The following CREB3L2 variants were observed in gnomAD, a reference collection of about 807,000 sequenced individuals.
CREB3L2 encodes cyclic AMP-responsive element-binding protein 3-like protein 2.
CREB3L2 carries 23 observed loss-of-function variants against 57.2 expected under a neutral mutation model. The observed-to-expected ratio is 0.40, with a 90% CI of 0.29 to 0.57. The LOEUF (loss-of-function observed/expected upper bound fraction) is 0.57, where lower values mean the gene tolerates loss of function less well. Among genes scored for constraint, CREB3L2 ranks in the 20% least tolerant of loss-of-function variants. The probability of loss-of-function intolerance (pLI) is 0.42; values close to 1 mark genes in which losing one functional copy is unlikely to be tolerated. For synonymous variants in CREB3L2, 268 were observed against 265.1 expected (o/e 1.01, Z -0.11); for missense variants, 628 against 634.7 (o/e 0.99, Z 0.11).
intron 1 of CREB3L2, among the ~76,000 whole-genome samples, chr7:137,972,700 AAAAAAAAAAAAAAT>A (rs1801529075): frequency 2.6e-5 from 1 of 38,470 alleles, no homozygotes. Flanking sequence ...AAAAAAAAAA[AAAAAAAAAAAAAAT>A]ATATATATAT....
Position 137,947,867 on chromosome 7 carries a change from A to G in CREB3L2, c.103-19501T>C, listed in dbSNP as rs184099230. On this transcript the variant is annotated intron_variant, in intron 1 of 11. Transcript: ENST00000330387. ...TCACGTCTAGAATATCCACCTCCAC[A>G]TCCACTTCCTTCCCCTGCCCTGTCT... Among the ~76,000 whole-genome samples the G allele has an allele frequency of 1.6e-3, 248 of 152,226 alleles. 1 individual carries two copies. Among genetic ancestry groups the G allele is most frequent in the Admixed American group, 3.6e-3 (55 of 15,300 alleles).
chr7:137,988,178 T>C (rs1014453837), intron 1 of CREB3L2, among the ~76,000 whole-genome samples: 7 of 152,218 alleles, frequency 4.6e-5, no homozygotes, highest in African/African-American at 1.7e-4. Context: ...CTGTTCCTCA[T>C]GTCCCTGACA....
At chr7:137,917,973 A>C (rs929338919) in intron 2 of CREB3L2, among the ~76,000 whole-genome samples, 27 of 152,092 alleles carry the variant, frequency 1.8e-4, no homozygotes, top group African/African-American at 6.5e-4. Flanking sequence ...GAGGGAGACC[A>C]CTCTGTACTG....
chr7:137,933,691 G>A (rs1173775328), intron 1 of CREB3L2: 1 of 152,204 alleles, frequency 6.6e-6, no homozygotes, highest in African/African-American at 2.4e-5. Context: ...CCACACCCAA[G>A]AATTTAGCAA....
intron 1 of CREB3L2, among the ~76,000 whole-genome samples, chr7:137,948,778 A>G (rs1801044787): frequency 6.6e-6 from 1 of 152,224 alleles, no homozygotes; most frequent in Non-Finnish European, 1.5e-5. Flanking sequence ...TATCTGTTAT[A>G]GACTGCAAGC....
chr7:137,969,566 T>A (rs1008509717), intron 1 of CREB3L2, among the ~76,000 whole-genome samples: 1 of 151,944 alleles, frequency 6.6e-6, no homozygotes, highest in East Asian at 1.9e-4. Context: ...TTAACCGGGA[T>A]GGTCTCAATC....
chr7:137,883,645 T>C (rs1799346278), intron 10 of CREB3L2, among the ~76,000 whole-genome samples: 1 of 152,136 alleles, frequency 6.6e-6, no homozygotes, highest in Non-Finnish European at 1.5e-5. Context: ...GAATGTGGCC[T>C]CTCTCTCTCA....
At chr7:137,901,794 G>A (rs185601848) in intron 7 of CREB3L2, among the ~76,000 whole-genome samples, 22 of 135,182 alleles carry the variant, frequency 1.6e-4, no homozygotes, top group African/African-American at 5.6e-4. Context: ...CAGGAGAATC[G>A]CTTGAACCCA....
intron 1 of CREB3L2, among the ~76,000 whole-genome samples, chr7:137,975,897 C>T (rs1333793792): frequency 6.6e-6 from 1 of 152,164 alleles, no homozygotes; most frequent in Non-Finnish European, 1.5e-5. Context: ...AGAATCATTC[C>T]ACCCAGCTGC....
chr7:137,998,143 A>T (rs946691408), intron 1 of CREB3L2, among the ~76,000 whole-genome samples: 7 of 152,166 alleles, frequency 4.6e-5, no homozygotes, highest in African/African-American at 1.4e-4. Context: ...TAGACTCTGA[A>T]CCTGTCTGCC....
At chr7:137,921,224 G>A (rs535966766) in intron 2 of CREB3L2, among the ~76,000 whole-genome samples, 3 of 152,290 alleles carry the variant, frequency 2.0e-5, no homozygotes, top group Non-Finnish European at 4.4e-5. Context: ...CATTTCAGAC[G>A]AAAAACATCC....
In CREB3L2 at chr7:137,922,429, TATATATACGTATATATATATATATAC is replaced by T. The variant is rs1563253360; in HGVS notation, c.319+5695_319+5720del. Among the ~76,000 whole-genome samples the T allele has an allele frequency of 7.7e-3, 376 of 48,852 alleles. 20 individuals are homozygous for T. Among genetic ancestry groups the T allele is most frequent in the African/African-American group, 0.052 (361 of 6,980 alleles). 32.0% of individuals were successfully genotyped at this position (48,852 alleles called of 152,430 possible). On this transcript the variant is annotated intron_variant, in intron 2 of 11. Transcript: ENST00000330387. ...ATATATATATATGTATATATATATA[TATATATACGTATATATATATATATAC>T]ACACATATATATATACACACATATA...
chr7:137,890,628 A>C (rs1255445021), intron 8 of CREB3L2, among the ~76,000 whole-genome samples: 2 of 152,246 alleles, frequency 1.3e-5, no homozygotes, highest in Non-Finnish European at 2.9e-5. Flanking sequence ...CGTTTGCTGA[A>C]GCAAATACAT....
intron 1 of CREB3L2, among the ~76,000 whole-genome samples, chr7:137,993,764 T>TA (rs1235390896): frequency 2.6e-5 from 4 of 152,172 alleles, no homozygotes; most frequent in Non-Finnish European, 5.9e-5. Flanking sequence ...TCTACTTAAC[T>TA]ATGCATCAAG....
intron 2 of CREB3L2, among the ~76,000 whole-genome samples, chr7:137,924,587 G>C (rs927229353): frequency 6.6e-6 from 1 of 152,126 alleles, no homozygotes; most frequent in African/African-American, 2.4e-5. Flanking sequence ...ATTTTGCTGG[G>C]ATGCTTCTGC....
rs61028865 is a variant in CREB3L2 at position 137,946,794 on chromosome 7, TTA to T, written c.103-18430_103-18429del. ...GTTATCTATATAGTTATCTATATAG[TTA>T]TATATAGTTATATATAGTTATCTAT... On this transcript the variant is annotated intron_variant, in intron 1 of 11. Coordinates refer to ENST00000330387, the MANE Select transcript of CREB3L2 (RefSeq NM_194071.4). 4.8e-5 allele frequency among the ~76,000 whole-genome samples: 2 copies of T among 41,704 alleles called. 1 individual carries two copies. 27.4% of individuals were successfully genotyped at this position (41,704 alleles called of 152,430 possible). A position where few individuals can be genotyped will look rare whatever the true frequency, so the allele number is the denominator to read the frequency against.
At chr7:137,996,484 A>G (rs545425524) in intron 1 of CREB3L2, among the ~76,000 whole-genome samples, 3 of 152,350 alleles carry the variant, frequency 2.0e-5, no homozygotes, top group African/African-American at 7.2e-5. Flanking sequence ...TTCTCAGCCA[A>G]TGAGGACCCG....
chr7:137,941,120 C>T (rs888342244), intron 1 of CREB3L2, among the ~76,000 whole-genome samples: 2 of 152,158 alleles, frequency 1.3e-5, no homozygotes, highest in African/African-American at 2.4e-5. Flanking sequence ...TGTTATGCAC[C>T]GGACTCATGG....
rs1025266397 is a variant in CREB3L2, at chr7:137,876,677, A to T, written c.*3799T>A. On this transcript the variant is annotated 3_prime_UTR_variant, in exon 12 of 12. Transcript: ENST00000330387. ...AGTCTCACCTGAAGGTGGCCAAATA[A>T]AATGACTCTCAAGAGGGCACTACCT... 1.7e-5 allele frequency: 4 copies of T among 232,452 alleles called. No homozygotes were observed. The highest frequency in any genetic ancestry group is 6.6e-5 in the African/African-American group (3 of 45,246). 14.4% of individuals were successfully genotyped at this position (232,452 alleles called of 1,614,324 possible).
Sources: gnomAD v4.1 joint callset for allele counts (sites outside exome capture counted in the v4.1 genomes callset) on GRCh38, gnomAD v4.1.1 for gene constraint, MANE v1.5 for transcripts, NCBI Gene and HGNC (gene_info 2026-07-23, HGNC 2026-07-21) for gene names.